ATL2: variants seen among roughly 807,000 people sequenced by gnomAD.
ATL2 encodes the protein atlastin GTPase 2, also known as atlastin-2.
Under a neutral mutation model 73.9 loss-of-function variants are expected in ATL2, and 31 were observed. That is an observed-to-expected ratio of 0.42 (90% CI 0.32 to 0.57). ATL2 has a LOEUF of 0.57. Ranked by LOEUF, ATL2 falls within the 20% of genes least tolerant of loss-of-function variation. The pLI is 0.14. For synonymous variants in ATL2, 291 were observed against 237.5 expected (o/e 1.23, Z -2.07); for missense variants, 738 against 702.6 (o/e 1.05, Z -0.57).
intron 1 of ATL2, among the ~76,000 whole-genome samples, chr2:38,369,701 G>C (rs1573598305): frequency 6.6e-6 from 1 of 151,878 alleles, no homozygotes; most frequent in South Asian, 2.1e-4. Flanking sequence ...GCATATTTGA[G>C]ACCCTATCTC....
intron 8 of ATL2, 107 bp from the exon 9 acceptor site, chr2:38,309,613 T>C: frequency 9.0e-7 from 1 of 1,106,914 alleles, no homozygotes; most frequent in South Asian, 1.5e-5. Flanking sequence ...ATAGTATCTA[T>C]TACTGAAGTG....
intron 2 of ATL2, among the ~76,000 whole-genome samples, chr2:38,341,575 T>G (rs959321997): frequency 6.0e-4 from 92 of 152,146 alleles, no homozygotes; most frequent in African/African-American, 2.2e-3. Flanking sequence ...GAGGTTGGGC[T>G]GCAGTCTACT....
chr2:38,314,936 T>G (rs1667946141), intron 5 of ATL2, among the ~76,000 whole-genome samples: 1 of 152,250 alleles, frequency 6.6e-6, no homozygotes, highest in Non-Finnish European at 1.5e-5. Context: ...ATTTCAATAG[T>G]TGGCACATTT....
intron 7 of ATL2, among the ~76,000 whole-genome samples, chr2:38,312,200 C>T (rs1282602283): frequency 6.6e-6 from 1 of 152,112 alleles, no homozygotes; most frequent in East Asian, 1.9e-4. Flanking sequence ...CTGCAGGTTT[C>T]CCAAATTGAT....
chr2:38,322,297 T>C (rs950729170), intron 2 of ATL2, among the ~76,000 whole-genome samples: 2 of 152,256 alleles, frequency 1.3e-5, no homozygotes, highest in African/African-American at 4.8e-5. Context: ...ATTTTACTTA[T>C]TTCTATCTCC....
At chr2:38,359,913 G>C (rs1670905996) in intron 1 of ATL2, among the ~76,000 whole-genome samples, 1 of 151,826 alleles carries the variant, frequency 6.6e-6, no homozygotes, top group African/African-American at 2.4e-5. Context: ...GGATCACTTG[G>C]GGTCAGGAGT....
intron 2 of ATL2, among the ~76,000 whole-genome samples, chr2:38,331,518 G>C (rs536200074): frequency 1.3e-5 from 2 of 149,180 alleles, no homozygotes; most frequent in Non-Finnish European, 3.0e-5. Context: ...GCTGAAGCAG[G>C]AGAACTGCTT....
chr2:38,355,080 ACG>A (rs1391372298), intron 1 of ATL2, among the ~76,000 whole-genome samples: 5 of 141,876 alleles, frequency 3.5e-5, no homozygotes, highest in Non-Finnish European at 7.9e-5. Flanking sequence ...TCCAATAAAA[ACG>A]CAGAGACTGC....
rs1462029024 is a variant in ATL2 at position 38,300,304 on chromosome 2, C to T, written c.1096G>A (p.Glu366Lys). ...ATGGACTTTGGATGTGGAAGTTCTTCTCCTTGATAGATTTTGATGTAAGCC... is the reference window on the plus strand; with the variant it reads ...ATGGACTTTGGATGTGGAAGTTCTTTTCCTTGATAGATTTTGATGTAAGCC... ...FKAYIKIYQG[E>K]ELPHPKSMLQ... The change falls in exon 10 of 13, where the codon GAA (glutamate) becomes AAA (lysine). Residue 366 changes from glutamate (E) to lysine (K), a missense_variant. Coordinates refer to ENST00000378954, the MANE Select transcript of ATL2 (RefSeq NM_001135673.4). 4 of 1,609,338 alleles carry T rather than the reference C, an allele frequency of 2.5e-6. No homozygotes were observed. Among genetic ancestry groups the T allele is most frequent in the Non-Finnish European group, 3.4e-6 (4 of 1,176,078 alleles).
At chr2:38,297,580 C>A (rs946423222) in intron 12 of ATL2, among the ~76,000 whole-genome samples, 2 of 152,148 alleles carry the variant, frequency 1.3e-5, no homozygotes, top group Admixed American at 1.3e-4. Context: ...GTTCTCTGTT[C>A]ATGGCGCTTT....
At chr2:38,326,818 T>G (rs1668689737) in intron 2 of ATL2, among the ~76,000 whole-genome samples, 1 of 151,944 alleles carries the variant, frequency 6.6e-6, no homozygotes, top group African/African-American at 2.4e-5. Flanking sequence ...CAAAACCCCA[T>G]CTATACTAAA....
rs1573426349 is a variant in ATL2, at chr2:38,301,282, C to G, written c.1072-954G>C. ...ACCGTGCCTGGCTCATCTCAACTTT[C>G]CACTGACAAGATTCATTCATAACTG... On this transcript the variant is annotated intron_variant, in intron 9 of 12. Transcript: ENST00000378954. Among the ~76,000 whole-genome samples, 5 of 152,258 alleles carry G rather than the reference C, an allele frequency of 3.3e-5. 1 individual carries two copies. In the Middle Eastern group the frequency reaches 0.017, roughly 518 times the overall value.
chr2:38,374,557 T>C (rs146619235), intron 1 of ATL2, among the ~76,000 whole-genome samples: 4 of 152,384 alleles, frequency 2.6e-5, no homozygotes, highest in Non-Finnish European at 2.9e-5. Flanking sequence ...ATGCCTTACA[T>C]TTCTGGCTCT....
rs370576887 is a variant in ATL2, at chr2:38,298,608, G to C, written c.1201-33C>G. 20 of 1,566,264 alleles carry C rather than the reference G, an allele frequency of 1.3e-5. No homozygotes were observed. In the African/African-American group the frequency reaches 2.7e-4, roughly 22 times the overall value. ...GACAGAATTACAGTATTACATGCTAGAAATAATTAACACTTGAAAGAAGTT... is the reference window on the plus strand; with the variant it reads ...GACAGAATTACAGTATTACATGCTACAAATAATTAACACTTGAAAGAAGTT... On this transcript the variant is annotated intron_variant, in intron 11 of 12. Transcript: ENST00000378954.
chr2:38,351,609 A>G (rs1670351155), intron 1 of ATL2, among the ~76,000 whole-genome samples: 1 of 151,182 alleles, frequency 6.6e-6, no homozygotes, highest in South Asian at 2.1e-4. Flanking sequence ...TTCTTCTGTC[A>G]CAGCCTCCAG....
chr2:38,318,502 G>A (rs747456456), intron 4 of ATL2, 33 bp downstream of exon 4: 2 of 1,476,218 alleles, frequency 1.4e-6, no homozygotes, highest in Non-Finnish European at 1.8e-6. Context: ...ATGATTACGT[G>A]AACTGATCGC....
intron 1 of ATL2, among the ~76,000 whole-genome samples, chr2:38,371,824 G>A (rs1006787426): frequency 1.3e-5 from 2 of 152,080 alleles, no homozygotes; most frequent in South Asian, 4.2e-4. Flanking sequence ...TTGAACCCAC[G>A]AGGTGGAGAT....
chr2:38,334,180 C>T (rs954295965), intron 2 of ATL2, among the ~76,000 whole-genome samples: 4 of 151,748 alleles, frequency 2.6e-5, no homozygotes, highest in African/African-American at 9.7e-5. Context: ...CAGGCACCTG[C>T]CACCACCCCT....
intron 1 of ATL2, among the ~76,000 whole-genome samples, chr2:38,371,093 T>C (rs1292714433): frequency 6.6e-6 from 1 of 152,152 alleles, no homozygotes; most frequent in Non-Finnish European, 1.5e-5. Context: ...ACTGAAATTT[T>C]TAAAAAGCTC....
Sources: gnomAD v4.1 joint callset for allele counts (sites outside exome capture counted in the v4.1 genomes callset) on GRCh38, gnomAD v4.1.1 for gene constraint, MANE v1.5 for transcripts, NCBI Gene and HGNC (gene_info 2026-07-23, HGNC 2026-07-21) for gene names.